Variants in KSR2 observed in about 807,000 individuals in gnomAD.
KSR2 encodes kinase suppressor of ras 2.
A neutral mutation model predicts 107.8 loss-of-function variants in KSR2; 25 were observed. The observed-to-expected ratio is 0.23, with a 90% confidence interval of 0.17 to 0.32. The LOEUF (loss-of-function observed/expected upper bound fraction) is 0.32. Ranked by LOEUF, KSR2 falls within the 10% of genes least tolerant of loss-of-function variation. The pLI is 1.00. For missense variants in KSR2, 887 were observed against 1,268.9 expected, an observed-to-expected ratio of 0.70 and a Z score of 4.57; for synonymous variants, 480 against 507.0, an observed-to-expected ratio of 0.95 and a Z score of 0.71.
intron 5 of KSR2, among the ~76,000 whole-genome samples, chr12:117,638,578 T>C (rs1883214473): frequency 6.6e-6 from 1 of 151,446 alleles, no homozygotes; most frequent in Non-Finnish European, 1.5e-5. Context: ...TTCAAAACTA[T>C]GCAAAATTAA....
At chr12:117,902,093 T>C (rs1894701072) in intron 1 of KSR2, among the ~76,000 whole-genome samples, 1 of 152,216 alleles carries the variant, frequency 6.6e-6, no homozygotes, top group Non-Finnish European at 1.5e-5. Context: ...AGTAAATGAA[T>C]GTGATTTCGA....
intron 1 of KSR2, among the ~76,000 whole-genome samples, chr12:117,927,823 C>T (rs147630098): frequency 1.7e-4 from 26 of 152,338 alleles, no homozygotes; most frequent in South Asian, 8.3e-4. Flanking sequence ...TCCTTGCCCC[C>T]TTATTATTCT....
At chr12:117,593,768 G>A (rs1417418430) in intron 5 of KSR2, among the ~76,000 whole-genome samples, 1 of 152,242 alleles carries the variant, frequency 6.6e-6, no homozygotes, top group East Asian at 1.9e-4. Context: ...ATGGCCCCTA[G>A]AGCAATTCAG....
At chr12:117,920,231 TG>T (rs1895299417) in intron 1 of KSR2, among the ~76,000 whole-genome samples, 1 of 152,162 alleles carries the variant, frequency 6.6e-6, no homozygotes, top group South Asian at 2.1e-4. Flanking sequence ...CCCAAGTAGC[TG>T]GGAGTAAAGG....
intron 3 of KSR2, among the ~76,000 whole-genome samples, chr12:117,794,526 T>C (rs1403676654): frequency 9.6e-6 from 1 of 104,542 alleles, no homozygotes; most frequent in African/African-American, 4.8e-5. Flanking sequence ...CACACCAACA[T>C]GCACACACAA....
intron 1 of KSR2, among the ~76,000 whole-genome samples, chr12:117,928,598 A>C (rs1321142803): frequency 6.6e-6 from 1 of 152,178 alleles, no homozygotes; most frequent in African/African-American, 2.4e-5. Context: ...TCCACCTTTT[A>C]GCTATTGCAA....
At chr12:117,572,391 C>A (rs1166129764) in intron 7 of KSR2, among the ~76,000 whole-genome samples, 1 of 152,158 alleles carries the variant, frequency 6.6e-6, no homozygotes, top group Non-Finnish European at 1.5e-5. Flanking sequence ...AGGAAATCTG[C>A]AGACGGGCTC....
chr12:117,668,439 G>A (rs1364114955), intron 4 of KSR2, among the ~76,000 whole-genome samples: 1 of 152,206 alleles, frequency 6.6e-6, no homozygotes, highest in Non-Finnish European at 1.5e-5. Context: ...AGCCTCACAG[G>A]CAGCTGCCAG....
intron 5 of KSR2, 51 bp from the exon 6 acceptor site, chr12:117,582,410 G>A: frequency 7.0e-7 from 1 of 1,432,286 alleles, no homozygotes; most frequent in East Asian, 2.3e-5. Context: ...AGACTGGGGT[G>A]GGCTCTGGCA....
At chr12:117,605,936 T>C (rs561243269) in intron 5 of KSR2, among the ~76,000 whole-genome samples, 4 of 152,282 alleles carry the variant, frequency 2.6e-5, no homozygotes, top group African/African-American at 9.6e-5. Flanking sequence ...GCTTATTTTA[T>C]GCCTCAGTTA....
intron 4 of KSR2, among the ~76,000 whole-genome samples, chr12:117,737,086 A>C (rs1887976884): frequency 6.6e-6 from 1 of 152,166 alleles, no homozygotes; most frequent in South Asian, 2.1e-4. Flanking sequence ...TGGCCTCATG[A>C]GTGTTTGATC....
intron 3 of KSR2, among the ~76,000 whole-genome samples, chr12:117,848,806 A>ATGGTGGTGGGTG (rs1566048212): frequency 3.9e-4 from 49 of 126,622 alleles, no homozygotes; most frequent in Admixed American, 2.7e-3. Flanking sequence ...TGGTAACAAC[A>ATGGTGGTGGGTG]GTGATGGTGG....
intron 11 of KSR2, among the ~76,000 whole-genome samples, 175 bp downstream of exon 11, chr12:117,531,491 G>T (rs146406345): frequency 5.3e-4 from 80 of 152,132 alleles, no homozygotes; most frequent in African/African-American, 1.8e-3. Flanking sequence ...GTCCCACTGT[G>T]CCCACTCTTT....
At chr12:117,538,432 T>C (rs932083201) in intron 10 of KSR2, among the ~76,000 whole-genome samples, 1 of 152,088 alleles carries the variant, frequency 6.6e-6, no homozygotes, top group East Asian at 1.9e-4. Context: ...GATGGATGGA[T>C]GGTTGCATGT....
At chr12:117,591,972 G>A (rs1880348232) in intron 5 of KSR2, among the ~76,000 whole-genome samples, 1 of 151,686 alleles carries the variant, frequency 6.6e-6, no homozygotes, top group South Asian at 2.1e-4. Context: ...TTGTGCCACT[G>A]GACTCCAGCC....
chr12:117,585,849 T>C (rs2136252194), intron 5 of KSR2, among the ~76,000 whole-genome samples: 1 of 152,360 alleles, frequency 6.6e-6, no homozygotes, highest in African/African-American at 2.4e-5. Flanking sequence ...GCATCCCTGG[T>C]GCCTATGGTC....
chr12:117,959,796 T>A (rs1174508590), intron 1 of KSR2, among the ~76,000 whole-genome samples: 1 of 151,918 alleles, frequency 6.6e-6, no homozygotes, highest in African/African-American at 2.4e-5. Context: ...CCAGCGATGG[T>A]GATGCACATC....
At chr12:117,577,331 G>A (rs1354924032) in intron 7 of KSR2, among the ~76,000 whole-genome samples, 1 of 149,714 alleles carries the variant, frequency 6.7e-6, no homozygotes, top group Non-Finnish European at 1.5e-5. Context: ...ACCTGAAGGG[G>A]TACGTAATAC....
Position 117,736,406 on chromosome 12 carries a change from C to T in KSR2, c.986+24605G>A, listed in dbSNP as rs147655456. Among the ~76,000 whole-genome samples, 87 of 152,294 alleles carry T rather than the reference C, an allele frequency of 5.7e-4. 1 individual carries two copies. The East Asian group carries it at 0.016, about 28-fold the overall frequency. Reference sequence around the variant, plus strand: ...GCCTGCCCCATCCATCTCTGAACTCCCAGTGCCTGGCCCATAATAAGGACC... The same window carrying T: ...GCCTGCCCCATCCATCTCTGAACTCTCAGTGCCTGGCCCATAATAAGGACC... On this transcript the variant is annotated intron_variant, in intron 4 of 19. Coordinates refer to ENST00000339824, the MANE Select transcript of KSR2 (RefSeq NM_173598.6).
Sources: gnomAD v4.1 joint callset for allele counts (sites outside exome capture counted in the v4.1 genomes callset) on GRCh38, gnomAD v4.1.1 for gene constraint, MANE v1.5 for transcripts, NCBI Gene and HGNC (gene_info 2026-07-23, HGNC 2026-07-21) for gene names.